The following ZNF398 variants were observed in gnomAD, a reference collection of about 807,000 sequenced individuals.
The protein encoded by ZNF398 is zinc finger DNA binding protein ZER6.
In ZNF398, 18 loss-of-function variants were observed where a neutral mutation model predicts 41.9. The ratio of observed to expected loss-of-function variants is 0.43; its 90% CI spans 0.30 to 0.64. ZNF398 has a LOEUF of 0.64. Among genes scored for constraint, ZNF398 ranks in the 30% least tolerant of loss-of-function variants. ZNF398 has a pLI of 0.14. For synonymous variants in ZNF398, 260 were observed against 308.8 expected (o/e 0.84, Z 1.66); for missense variants, 669 against 822.8 (o/e 0.81, Z 2.29).
At chr7:149,164,868 G>A (rs571490065) in intron 2 of ZNF398, among the ~76,000 whole-genome samples, 1 of 152,168 alleles carries the variant, frequency 6.6e-6, no homozygotes, top group Non-Finnish European at 1.5e-5. Flanking sequence ...GGCTGAGGCA[G>A]GTGGATCACG....
intron 2 of ZNF398, among the ~76,000 whole-genome samples, chr7:149,157,457 C>T (rs956124748): frequency 2.6e-5 from 4 of 151,030 alleles, no homozygotes; most frequent in Non-Finnish European, 5.9e-5. Context: ...ATGGCATGAA[C>T]CCGGGAGGCG....
At chr7:149,164,909 C>T (rs1454796256) in intron 2 of ZNF398, among the ~76,000 whole-genome samples, 3 of 152,038 alleles carry the variant, frequency 2.0e-5, no homozygotes, top group African/African-American at 4.8e-5. Flanking sequence ...GCCTGACCAA[C>T]GTGGTGAAAC....
chr7:149,132,192 C>T (rs866467280), intron 2 of ZNF398, among the ~76,000 whole-genome samples: 1 of 109,162 alleles, frequency 9.2e-6, no homozygotes. Context: ...TATTCTCTCT[C>T]TCTTTTTTTT....
Position 149,166,302 on chromosome 7 carries a change from C to T in ZNF398, c.547+18C>T, listed in dbSNP as rs779985463. The T allele has an allele frequency of 1.3e-6, 2 of 1,591,964 alleles. No individual in the cohort carries two copies. Among genetic ancestry groups the T allele is most frequent in the South Asian group, 1.1e-5 (1 of 89,196 alleles). ...CTCCATGGGTGAGGCTGAGTTGACA[C>T]CTTTTGAATGAAGTGACAGCAGCTC... is the stretch of plus-strand genomic sequence containing the variant. On this transcript the variant is annotated intron_variant, in intron 3 of 5. Coordinates refer to ENST00000475153, the MANE Select transcript of ZNF398 (RefSeq NM_170686.3).
chr7:149,135,560 C>T (rs2158633), intron 2 of ZNF398, among the ~76,000 whole-genome samples: 81,162 of 151,734 alleles, frequency 0.53, 25,204 homozygotes, highest in East Asian at 0.9. Flanking sequence ...GATGCTGCTG[C>T]GTACACTGCT....
At chr7:149,149,864 T>A (rs1210890701) in intron 1 of ZNF398, among the ~76,000 whole-genome samples, 1 of 152,052 alleles carries the variant, frequency 6.6e-6, no homozygotes, top group African/African-American at 2.4e-5. Context: ...ATTTTTTTCA[T>A]ACTAAGTCTT....
At position 149,179,698 on chromosome 7, in the gene ZNF398, G is replaced by A; in HGVS notation, c.1826G>A (p.Gly609Asp). Residue 609 changes from glycine to aspartate, a missense_variant, in exon 6 of 6, where the codon GGT becomes GAT. This residue lies in a region of ZNF398 where 210 missense variants were observed against 290.4 expected (regional missense o/e 0.72). Transcript: ENST00000475153. This position sits in a 1 kb window ranked among gnomAD's most constrained non-coding sequence, Gnocchi z 6.1. ...DPSGQPPNPP[G>D]PLITGLETSG... ...TCAGGTCAGCCACCCAACCCACCAG[G>A]TCCCCTCATAACTGGGCTTGAAACT... is the stretch of plus-strand genomic sequence containing the variant. 1 of 1,614,224 alleles carries A rather than the reference G, an allele frequency of 6.2e-7. No homozygotes were observed. Among genetic ancestry groups the A allele is most frequent in the Non-Finnish European group, 8.5e-7 (1 of 1,180,048 alleles).
chr7:149,134,058 T>A (rs1234414573), intron 2 of ZNF398, among the ~76,000 whole-genome samples: 3 of 114,350 alleles, frequency 2.6e-5, no homozygotes, highest in Admixed American at 1.1e-4. Flanking sequence ...GCCATGCTGT[T>A]TTTGTCTTTT....
Position 149,176,611 on chromosome 7 carries a change from T to C in ZNF398, c.775+30T>C, listed in dbSNP as rs1795465177. ...GTATGAAATTAAAGAGGTGTTCATGTCCATATCCAGCTCATGCCAGGACTG... is the reference window on the plus strand; with the variant it reads ...GTATGAAATTAAAGAGGTGTTCATGCCCATATCCAGCTCATGCCAGGACTG... On this transcript the variant is annotated intron_variant, in intron 5 of 5. Transcript: ENST00000475153. 1.4e-6 allele frequency: 2 copies of C among 1,451,518 alleles called. 1 individual carries two copies. The highest frequency in any genetic ancestry group is 2.4e-5 in the South Asian group (2 of 82,112). The allele number at this position is 1,451,518 out of a possible 1,614,324, so 89.9% of individuals were successfully genotyped here.
intron 2 of ZNF398, among the ~76,000 whole-genome samples, chr7:149,163,199 TTTG>T (rs765009674): frequency 0.073 from 11,128 of 151,706 alleles, 412 homozygotes; most frequent in Middle Eastern, 0.092. Context: ...ACCTGTTTTG[TTTG>T]TTTGTTTGTT....
In ZNF398 at chr7:149,175,249, A is replaced by G. The variant is rs570966092; in HGVS notation, c.662-1219A>G. ...TGAATTAAACCATATTCTGCCCACA[A>G]GGCTGTGTTTGAGAAATAACTATAG... On this transcript the variant is annotated intron_variant, in intron 4 of 5. Transcript: ENST00000475153. 2.0e-3 allele frequency among the ~76,000 whole-genome samples: 302 copies of G among 152,256 alleles called. 1 individual carries two copies. Among genetic ancestry groups the G allele is most frequent in the African/African-American group, 7.0e-3 (289 of 41,540 alleles).
At chr7:149,166,422 C>T (rs1795227038) in intron 3 of ZNF398, 138 bp downstream of exon 3, 4 of 999,220 alleles carry the variant, frequency 4.0e-6, no homozygotes, top group Non-Finnish European at 6.0e-6. Flanking sequence ...AAAATATGAC[C>T]AATTAATGCT....
chr7:149,157,933 C>G (rs1364444310), intron 2 of ZNF398, among the ~76,000 whole-genome samples: 1 of 150,500 alleles, frequency 6.6e-6, no homozygotes, highest in African/African-American at 2.5e-5. Context: ...AGCGCCGTGG[C>G]TCATGGTGGC....
At chr7:149,161,800 A>G (rs373127121) in intron 2 of ZNF398, among the ~76,000 whole-genome samples, 1 of 142,264 alleles carries the variant, frequency 7.0e-6, no homozygotes, top group East Asian at 2.0e-4. Flanking sequence ...GCTGCAGGTA[A>G]TTAACTCCAA....
intron 2 of ZNF398, among the ~76,000 whole-genome samples, chr7:149,163,198 G>T (rs1202446): frequency 0.81 from 119,265 of 147,654 alleles, 47,083 homozygotes; most frequent in East Asian, 0.91. Flanking sequence ...TACCTGTTTT[G>T]TTTGTTTGTT....
Position 149,147,809 on chromosome 7 carries a change from A to G in ZNF398, c.24+43A>G. 7.4e-7 allele frequency: 1 copy of G among 1,356,978 alleles called. No individual in the cohort carries two copies. Among genetic ancestry groups the G allele is most frequent in the South Asian group, 1.8e-5 (1 of 55,924 alleles). 84.1% of individuals were successfully genotyped at this position (1,356,978 alleles called of 1,614,324 possible). A position where few individuals can be genotyped will look rare whatever the true frequency, so the allele number is the denominator to read the frequency against. The stretch of plus-strand genomic sequence containing the variant: ...CGAGTGTTGTGAGCCCCCGAGACCC[A>G]GACCCCGAGGGAGGAAGGCGGGCGG... On this transcript the variant is annotated intron_variant, in intron 1 of 5. Transcript: ENST00000475153. This position sits in a 1 kb window ranked among gnomAD's most constrained non-coding sequence, Gnocchi z 5.6.
At position 149,147,648 on chromosome 7, in the gene ZNF398, G is replaced by T; in HGVS notation, c.-95G>T. 8.3e-7 allele frequency: 1 copy of T among 1,209,200 alleles called. No individual in the cohort carries two copies. The highest frequency in any genetic ancestry group is 1.0e-6 in the Non-Finnish European group (1 of 969,912). 74.9% of individuals were successfully genotyped at this position (1,209,200 alleles called of 1,614,324 possible). ...GGGCCGGGTCGGCGCCGCCTGTGGA[G>T]AGGACCCGGCGGCCGGGCCTGCTTG... On this transcript the variant is annotated 5_prime_UTR_variant, in exon 1 of 6. Transcript: ENST00000475153. This position sits in a 1 kb window ranked among gnomAD's most constrained non-coding sequence, Gnocchi z 5.6.
chr7:149,171,824 C>T (rs1795348840), intron 4 of ZNF398, among the ~76,000 whole-genome samples: 1 of 152,086 alleles, frequency 6.6e-6, no homozygotes, highest in African/African-American at 2.4e-5. Context: ...CAAACCACCA[C>T]ACCTGGCTAA....
At chr7:149,150,710 C>T (rs896212573) in intron 1 of ZNF398, among the ~76,000 whole-genome samples, 9 of 152,024 alleles carry the variant, frequency 5.9e-5, no homozygotes, top group Admixed American at 1.3e-4. Context: ...CCCGCGCCCC[C>T]CCGCCTCCCC....
Sources: allele counts gnomAD v4.1 joint callset (sites outside exome capture counted in the v4.1 genomes callset), GRCh38; gene constraint gnomAD v4.1.1; regional missense constraint gnomAD v4.1.1; non-coding constraint Gnocchi (gnomAD v3.1); transcripts MANE v1.5; gene names NCBI Gene and HGNC (gene_info 2026-07-23, HGNC 2026-07-21).